The following MERTK variants were observed in gnomAD, a reference collection of about 807,000 sequenced individuals.
The protein encoded by MERTK is MER proto-oncogene, tyrosine kinase.
In MERTK, 69 loss-of-function variants were observed where a neutral mutation model predicts 99.3. The ratio of observed to expected loss-of-function variants is 0.70; its 90% confidence interval spans 0.57 to 0.85. MERTK has a LOEUF of 0.85. MERTK is among the 40% of genes least tolerant of loss of function. MERTK has a pLI of 0.00. For missense variants in MERTK, 1,125 were observed against 1,249.4 expected (o/e 0.90, Z 1.50); for synonymous variants, 426 against 467.6 (o/e 0.91, Z 1.15).
At chr2:111,923,719 T>G (rs1194042690) in intron 1 of MERTK, among the ~76,000 whole-genome samples, 2 of 152,204 alleles carry the variant, frequency 1.3e-5, no homozygotes, top group Non-Finnish European at 2.9e-5. Flanking sequence ...CACATTTGCA[T>G]TAAGTCTTTG....
intron 14 of MERTK, chr2:112,008,801 A>T: frequency 5.0e-6 from 2 of 403,324 alleles, no homozygotes; most frequent in Non-Finnish European, 9.3e-6. Flanking sequence ...TATTAATTTA[A>T]GGTTATGCAT....
At chr2:111,943,492 T>C (rs1684901407) in intron 2 of MERTK, among the ~76,000 whole-genome samples, 1 of 152,098 alleles carries the variant, frequency 6.6e-6, no homozygotes, top group Non-Finnish European at 1.5e-5. Flanking sequence ...TGAGCCATGA[T>C]GGTGCAACTG....
chr2:111,968,621 C>A (rs1675999602), intron 6 of MERTK, among the ~76,000 whole-genome samples: 1 of 152,060 alleles, frequency 6.6e-6, no homozygotes, highest in African/African-American at 2.4e-5. Flanking sequence ...GCAAACTCCA[C>A]CTGGTTCAAG....
chr2:111,995,924 G>T (rs1676726208), intron 9 of MERTK, among the ~76,000 whole-genome samples: 2 of 152,150 alleles, frequency 1.3e-5, no homozygotes, highest in Admixed American at 1.3e-4. Context: ...TCCTGGCTGG[G>T]TGACAGAGTG....
intron 8 of MERTK, among the ~76,000 whole-genome samples, chr2:111,985,949 A>C (rs1676471320): frequency 6.6e-6 from 1 of 152,222 alleles, no homozygotes; most frequent in Non-Finnish European, 1.5e-5. Flanking sequence ...GGGTGAGCAG[A>C]TGCATCCACT....
At chr2:111,909,231 T>C (rs1684196101) in intron 1 of MERTK, among the ~76,000 whole-genome samples, 1 of 152,158 alleles carries the variant, frequency 6.6e-6, no homozygotes, top group African/African-American at 2.4e-5. Context: ...CGCAGGCCTC[T>C]GTAACAACTG....
Position 112,029,285 on chromosome 2 carries a change from A to G in MERTK, c.*421A>G, listed in dbSNP as rs79733690. 18 of 967,040 alleles carry G rather than the reference A, an allele frequency of 1.9e-5. No homozygotes were observed. In the South Asian group the frequency reaches 3.5e-4, roughly 19 times the overall value. The allele number at this position is 967,040 out of a possible 1,614,324, so 59.9% of individuals were successfully genotyped here. On this transcript the variant is annotated 3_prime_UTR_variant, in exon 19 of 19. Coordinates refer to ENST00000295408, the MANE Select transcript of MERTK (RefSeq NM_006343.3). ...TTGGCTTCTGGTCTTGATGTATTTG[A>G]TAAGAATGATTCATTCAATGTTTAA...
chr2:111,970,728 T>C (rs1676092706), intron 6 of MERTK, among the ~76,000 whole-genome samples: 1 of 111,808 alleles, frequency 8.9e-6, no homozygotes. Flanking sequence ...CCCTTGTCCT[T>C]CCTCCCCCTA....
intron 1 of MERTK, among the ~76,000 whole-genome samples, chr2:111,922,529 C>A (rs1372643170): frequency 1.3e-5 from 2 of 152,262 alleles, no homozygotes; most frequent in Non-Finnish European, 1.5e-5. Flanking sequence ...AAACTCAGCC[C>A]TTATCCCCGC....
chr2:112,022,136 A>G (rs1039718655), intron 17 of MERTK, 122 bp from the exon 18 acceptor site: 3 of 1,388,064 alleles, frequency 2.2e-6, no homozygotes, highest in Non-Finnish European at 3.0e-6. Context: ...TGCGTCTCAC[A>G]CATAATTGCC....
Position 111,982,961 on chromosome 2 carries a change from A to C in MERTK, c.1264A>C (p.Ile422Leu). 3.1e-6 allele frequency: 5 copies of C among 1,614,164 alleles called. No individual in the cohort carries two copies. Among genetic ancestry groups the C allele is most frequent in the Non-Finnish European group, 4.2e-6 (5 of 1,180,014 alleles). Residue 422 changes from isoleucine to leucine, a missense_variant, in exon 8 of 19, where the codon ATA (isoleucine) becomes CTA (leucine). Physicochemically the swap from Ile to Leu is conservative, Grantham distance 5 (BLOSUM62 2). Transcript: ENST00000295408. ...GGATGGAGAACTGGTGGGCTACCGGATATCCCACGTGTGGCAGAGTGCAGG... is the reference window on the plus strand; with the variant it reads ...GGATGGAGAACTGGTGGGCTACCGGCTATCCCACGTGTGGCAGAGTGCAGG... Reference protein sequence around the residue: ...QQDGELVGYRISHVWQSAGIS... With the variant: ...QQDGELVGYRLSHVWQSAGIS...
intron 2 of MERTK, among the ~76,000 whole-genome samples, chr2:111,939,230 G>A (rs767109001): frequency 6.6e-6 from 1 of 152,024 alleles, no homozygotes; most frequent in Non-Finnish European, 1.5e-5. Context: ...ACGGCGAGGG[G>A]GCTGAGCGTG....
chr2:111,997,212 A>G (rs1676764720), intron 9 of MERTK, 111 bp from the exon 10 acceptor site: 1 of 1,261,478 alleles, frequency 7.9e-7, no homozygotes, highest in Non-Finnish European at 1.2e-6. Flanking sequence ...TTTGTAGATT[A>G]TAAAAGATTT....
intron 13 of MERTK, among the ~76,000 whole-genome samples, chr2:112,007,555 GTC>G (rs1340687796): frequency 6.6e-6 from 1 of 152,072 alleles, no homozygotes; most frequent in East Asian, 1.9e-4. Context: ...TCTATTTTCT[GTC>G]TCTGATTTTG....
Position 112,029,028 on chromosome 2 carries a change from AATAT to A in MERTK, c.*169_*172del, listed in dbSNP as rs1224547782. 1 of 1,423,820 alleles carries A rather than the reference AATAT, an allele frequency of 7.0e-7. No individual in the cohort carries two copies. Among genetic ancestry groups the A allele is most frequent in the African/African-American group, 1.4e-5 (1 of 69,374 alleles). 88.2% of individuals were successfully genotyped at this position (1,423,820 alleles called of 1,614,324 possible). Reference sequence around the variant, plus strand: ...AAGTAAGCTGTCATTAAAAATACATAATATATATTTATTTAAAGAGAAAAAATAT... The same window carrying A: ...AAGTAAGCTGTCATTAAAAATACATAATATTTATTTAAAGAGAAAAAATAT... On this transcript the variant is annotated 3_prime_UTR_variant, in exon 19 of 19. Coordinates refer to ENST00000295408, the MANE Select transcript of MERTK (RefSeq NM_006343.3).
intron 10 of MERTK, 125 bp from the exon 11 acceptor site, chr2:112,001,076 G>A (rs1334446517): frequency 1.3e-6 from 1 of 747,642 alleles, no homozygotes; most frequent in African/African-American, 1.8e-5. Context: ...TTTCTTCTAG[G>A]GGGAAAGCTT....
At chr2:111,999,656 T>C (rs1676826596) in intron 10 of MERTK, among the ~76,000 whole-genome samples, 1 of 152,340 alleles carries the variant, frequency 6.6e-6, no homozygotes, top group African/African-American at 2.4e-5. Flanking sequence ...AGATTTCTCA[T>C]ATGCTCCATA....
chr2:112,014,937 C>A (rs1346186521), intron 15 of MERTK, among the ~76,000 whole-genome samples: 2 of 152,170 alleles, frequency 1.3e-5, no homozygotes, highest in African/African-American at 4.8e-5. Context: ...CTGCACCCGG[C>A]CATTTTATAA....
intron 4 of MERTK, among the ~76,000 whole-genome samples, chr2:111,956,558 A>G (rs1234498711): frequency 1.3e-5 from 2 of 152,232 alleles, no homozygotes; most frequent in East Asian, 3.8e-4. Context: ...AACAGAAACA[A>G]CAGTAATAAC....
Sources: allele counts gnomAD v4.1 joint callset (sites outside exome capture counted in the v4.1 genomes callset), GRCh38; gene constraint gnomAD v4.1.1; transcripts MANE v1.5; gene names NCBI Gene and HGNC (gene_info 2026-07-23, HGNC 2026-07-21).